The following KIAA0319L variants were observed in gnomAD, a reference collection of about 807,000 sequenced individuals.
KIAA0319L encodes the protein KIAA0319 like, also known as dyslexia-associated protein KIAA0319-like protein.
A neutral mutation model predicts 120.1 loss-of-function variants in KIAA0319L; 55 were observed. The observed-to-expected ratio is 0.46, with a 90% CI of 0.37 to 0.57. The LOEUF (loss-of-function observed/expected upper bound fraction) is 0.57, where lower values mean the gene tolerates loss of function less well. KIAA0319L is among the 20% of genes least tolerant of loss of function. The probability of loss-of-function intolerance (pLI) is 0.00; values close to 1 mark genes in which losing one functional copy is unlikely to be tolerated. For synonymous variants in KIAA0319L, 398 were observed against 471.9 expected, an observed-to-expected ratio of 0.84 and a Z score of 2.03; for missense variants, 1,049 against 1,255.3, an observed-to-expected ratio of 0.84 and a Z score of 2.48.
chr1:35,527,851 T>A (rs1317873199), intron 2 of KIAA0319L, among the ~76,000 whole-genome samples: 1 of 151,878 alleles, frequency 6.6e-6, no homozygotes, highest in Non-Finnish European at 1.5e-5. Context: ...TCTTTTTTTT[T>A]ATTTCTTAGT....
At chr1:35,440,075 T>C (rs1320091011) in intron 20 of KIAA0319L, 1 of 152,192 alleles carries the variant, frequency 6.6e-6, no homozygotes, top group Admixed American at 6.5e-5. Context: ...TCATTCTCAA[T>C]ATTCCTGGGT....
At position 35,442,344 on chromosome 1, in the gene KIAA0319L, GA is replaced by G; in HGVS notation, c.2780-9del. On this transcript the variant is annotated splice_polypyrimidine_tract_variant and intron_variant, in intron 18 of 20. Coordinates refer to ENST00000325722, the MANE Select transcript of KIAA0319L (RefSeq NM_024874.5). ...CATATAACACGCTCCACTCTGCCAA[GA>G]AAATCAAAATGGTGAGGGCTGTGGA... The G allele has an allele frequency of 6.2e-7, 1 of 1,610,106 alleles. No individual in the cohort carries two copies. The highest frequency in any genetic ancestry group is 8.5e-7 in the Non-Finnish European group (1 of 1,176,354).
chr1:35,513,696 A>T (rs1043158598), intron 2 of KIAA0319L, among the ~76,000 whole-genome samples: 1 of 152,208 alleles, frequency 6.6e-6, no homozygotes, highest in Non-Finnish European at 1.5e-5. Context: ...AATATTTCAC[A>T]TCTAACTTAC....
intron 1 of KIAA0319L, 195 bp downstream of exon 1, chr1:35,557,012 A>G (rs1279273076): frequency 6.6e-6 from 1 of 152,538 alleles, no homozygotes; most frequent in Non-Finnish European, 1.5e-5. Flanking sequence ...CAGGCCCGAG[A>G]GAAGCGGGGT....
chr1:35,435,096 A>G lies in KIAA0319L; in HGVS notation c.2963-15T>C. 6.2e-7 allele frequency: 1 copy of G among 1,611,828 alleles called. No homozygotes were observed. Among genetic ancestry groups the G allele is most frequent in the Non-Finnish European group, 8.5e-7 (1 of 1,178,588 alleles). ...CTGTTTGATGCCTGCAGGGAAAACA[A>G]GGAATCCAGCATCAGGAGACTGGCC... On this transcript the variant is annotated splice_polypyrimidine_tract_variant and intron_variant, in intron 20 of 20. Coordinates refer to ENST00000325722, the MANE Select transcript of KIAA0319L (RefSeq NM_024874.5).
At chr1:35,484,643 A>G (rs1644293427) in intron 3 of KIAA0319L, among the ~76,000 whole-genome samples, 1 of 151,230 alleles carries the variant, frequency 6.6e-6, no homozygotes, top group Non-Finnish European at 1.5e-5. Context: ...TTTTTCTTGC[A>G]TTATAATTGG....
intron 15 of KIAA0319L, among the ~76,000 whole-genome samples, chr1:35,448,558 G>T (rs1211802555): frequency 6.6e-6 from 1 of 152,194 alleles, no homozygotes; most frequent in African/African-American, 2.4e-5. Flanking sequence ...CCACACATGT[G>T]CTGGGGATAA....
rs539463123 is a variant in KIAA0319L, at chr1:35,513,625, A to G, written c.143-6490T>C. 3.3e-5 allele frequency among the ~76,000 whole-genome samples: 5 copies of G among 152,298 alleles called. No homozygotes were observed. The East Asian group carries it at 9.6e-4, about 29-fold the overall frequency. On this transcript the variant is annotated intron_variant, in intron 2 of 20. Coordinates refer to ENST00000325722, the MANE Select transcript of KIAA0319L (RefSeq NM_024874.5). ...GTAAGATCCTGTCTCAAAAAATAAA[A>G]CAAAACAAAAATAATATACATAACT... is the stretch of plus-strand genomic sequence containing the variant.
chr1:35,470,059 G>C (rs2149123284), intron 6 of KIAA0319L, among the ~76,000 whole-genome samples: 1 of 152,034 alleles, frequency 6.6e-6, no homozygotes, highest in African/African-American at 2.4e-5. Flanking sequence ...GTAGAGACAG[G>C]GTCTTGCCAT....
At position 35,442,894 on chromosome 1, in the gene KIAA0319L, T is replaced by A; in HGVS notation, c.2779+12A>T. ...CCAAACAGGCTGGCACTGTGCCACA[T>A]AGAAAACTCACCACAGTTGCTGTCT... On this transcript the variant is annotated intron_variant, in intron 18 of 20. Coordinates refer to ENST00000325722, the MANE Select transcript of KIAA0319L (RefSeq NM_024874.5). 5 of 1,614,168 alleles carry A rather than the reference T, an allele frequency of 3.1e-6. No homozygotes were observed. Among genetic ancestry groups the A allele is most frequent in the South Asian group, 1.1e-5 (1 of 91,080 alleles).
At chr1:35,484,793 TATATATA>T (rs1304964412) in intron 3 of KIAA0319L, among the ~76,000 whole-genome samples, 40 of 61,142 alleles carry the variant, frequency 6.5e-4, no homozygotes, top group East Asian at 4.6e-3. Flanking sequence ...TATATATATA[TATATATA>T]TATATATTTT....
In KIAA0319L at chr1:35,453,577, T is replaced by G; in HGVS notation, c.1893A>C (p.Ser631=). ...SKSSDDQKII[S]YLWEKTQGPD... Reference sequence around the variant, plus strand: ...CTCACTGTGTTTTTTCCCAGAGATATGAGATAATTTTCTGATCATCTGAGC... The same window carrying G: ...CTCACTGTGTTTTTTCCCAGAGATAGGAGATAATTTTCTGATCATCTGAGC... Residue 631 remains serine, a synonymous_variant, in exon 12 of 21, where the codon TCA becomes TCC. Transcript: ENST00000325722. The surrounding 1 kb of genome is among the most constrained non-coding windows in gnomAD (Gnocchi z 4.1). The G allele has an allele frequency of 7.6e-5, 122 of 1,612,356 alleles. No homozygotes were observed. The highest frequency in any genetic ancestry group is 9.4e-5 in the Non-Finnish European group (111 of 1,178,486).
intron 3 of KIAA0319L, among the ~76,000 whole-genome samples, chr1:35,505,202 A>C (rs2148398365): frequency 6.6e-6 from 1 of 152,310 alleles, no homozygotes; most frequent in Admixed American, 6.5e-5. Flanking sequence ...CCAGAGTATA[A>C]GCCTTGTTAA....
chr1:35,531,953 A>G (rs928634357), intron 2 of KIAA0319L, among the ~76,000 whole-genome samples: 1 of 152,160 alleles, frequency 6.6e-6, no homozygotes, highest in East Asian at 1.9e-4. Context: ...ACTAATCTCA[A>G]TGGTTTCCAA....
chr1:35,506,690 A>G lies in KIAA0319L; in HGVS notation c.588T>C (p.Val196=). 1 of 1,614,184 alleles carries G rather than the reference A, an allele frequency of 6.2e-7. No homozygotes were observed. The highest frequency in any genetic ancestry group is 8.5e-7 in the Non-Finnish European group (1 of 1,180,022). ...TAGAATGCTGTGTCACTATAGGTGT[A>G]ACTACGTCACTGGGACTACCTCTCT... The part of the protein sequence containing the change: ...LQKRGSPSDV[V]TPIVTQHSKV... Residue 196 remains valine (V), a synonymous_variant, in exon 3 of 21, where the codon GTT becomes GTC. Coordinates refer to ENST00000325722, the MANE Select transcript of KIAA0319L (RefSeq NM_024874.5). This position sits in a 1 kb window ranked among gnomAD's most constrained non-coding sequence, Gnocchi z 4.0.
chr1:35,492,270 C>T (rs1345038736), intron 3 of KIAA0319L, among the ~76,000 whole-genome samples: 1 of 152,152 alleles, frequency 6.6e-6, no homozygotes, highest in African/African-American at 2.4e-5. Context: ...AATCCCAGCA[C>T]TTTGGGAAGC....
Position 35,544,799 on chromosome 1 carries a change from C to T in KIAA0319L, c.142+9551G>A, listed in dbSNP as rs150467772. Among the ~76,000 whole-genome samples the T allele has an allele frequency of 9.6e-3, 1,466 of 152,240 alleles. 11 individuals are homozygous for T. The highest frequency in any genetic ancestry group is 0.014 in the Non-Finnish European group (978 of 68,020). On this transcript the variant is annotated intron_variant, in intron 2 of 20. Transcript: ENST00000325722. ...GCTGATATCAGACTCACCGTCCTGC[C>T]GTAAACAACTACAAAACTGGACAGA...
rs769309121 is a variant in KIAA0319L at position 35,448,237 on chromosome 1, C to A, written c.2449G>T (p.Val817Phe). ...TCGGAATCCAGCACCCCCAGGAGGA[C>A]CCCAATCTGGCGGATGAACATCCCC... is the stretch of plus-strand genomic sequence containing the variant. ...LKGMFIRQIG[V>F]LLGVLDSDII... The change falls in exon 16 of 21, where the codon GTC becomes TTC. Residue 817 changes from valine to phenylalanine, a missense_variant. Transcript: ENST00000325722. 1 of 1,614,120 alleles carries A rather than the reference C, an allele frequency of 6.2e-7. No homozygotes were observed. The highest frequency in any genetic ancestry group is 1.1e-5 in the South Asian group (1 of 91,070).
chr1:35,487,001 C>T (rs1277714968), intron 3 of KIAA0319L, among the ~76,000 whole-genome samples: 1 of 152,208 alleles, frequency 6.6e-6, no homozygotes, highest in Non-Finnish European at 1.5e-5. Context: ...ACATCTGAGT[C>T]AACTTGGAGC....
Sources: gnomAD v4.1 joint callset for allele counts (sites outside exome capture counted in the v4.1 genomes callset) on GRCh38, gnomAD v4.1.1 for gene constraint, Gnocchi (gnomAD v3.1) non-coding constraint, MANE v1.5 for transcripts, NCBI Gene and HGNC (gene_info 2026-07-23, HGNC 2026-07-21) for gene names.